ANKRD12: variants seen among roughly 807,000 people sequenced by gnomAD.
ANKRD12 encodes ankyrin repeat domain 12, also known as ankyrin repeat domain-containing protein 12.
Under a neutral mutation model 183.4 loss-of-function variants are expected in ANKRD12, and 85 were observed. The ratio of observed to expected loss-of-function variants is 0.46; its 90% CI spans 0.39 to 0.56. ANKRD12 has a LOEUF of 0.56. Ranked by LOEUF, ANKRD12 falls within the 20% of genes least tolerant of loss-of-function variation. The pLI is 0.00. For missense variants in ANKRD12, 2,405 were observed against 2,357.1 expected, an observed-to-expected ratio of 1.02 and a Z score of -0.42; for synonymous variants, 914 against 800.2, an observed-to-expected ratio of 1.14 and a Z score of -2.40.
intron 1 of ANKRD12, among the ~76,000 whole-genome samples, chr18:9,168,432 C>T (rs2032319608): frequency 6.6e-6 from 1 of 152,108 alleles, no homozygotes; most frequent in Non-Finnish European, 1.5e-5. Flanking sequence ...TCAACTTCTT[C>T]CTGATTTAGT....
chr18:9,175,715 A>G (rs2033210119), intron 1 of ANKRD12, among the ~76,000 whole-genome samples: 1 of 151,388 alleles, frequency 6.6e-6, no homozygotes, highest in Non-Finnish European at 1.5e-5. Flanking sequence ...TTTAGTAGAG[A>G]TGGGGTTTCA....
At position 9,258,055 on chromosome 18, in the gene ANKRD12, C is replaced by T. The variant is rs143265899; in HGVS notation, c.4788C>T (p.Ala1596=). 8.9e-3 allele frequency: 14,350 copies of T among 1,613,366 alleles called. 93 individuals carry two copies. Among genetic ancestry groups the T allele is most frequent in the Middle Eastern group, 0.025 (154 of 6,062 alleles). The change falls in exon 9 of 13, where the codon GCC becomes GCT. Residue 1596 remains alanine, a synonymous_variant. Coordinates refer to ENST00000262126, the MANE Select transcript of ANKRD12 (RefSeq NM_015208.5). ...PSEKDFNGSD[A]STQLNTHYAF... is the part of the protein sequence containing the mutation. ...AAAAGGACTTTAATGGAAGTGATGC[C>T]TCTACCCAGCTAAATACACATTATG...
chr18:9,268,835 CCT>C, intron 10 of ANKRD12, among the ~76,000 whole-genome samples: 1 of 152,224 alleles, frequency 6.6e-6, no homozygotes, highest in South Asian at 2.1e-4. Context: ...TCAAATTGTC[CCT>C]GTTTGCAGAT....
chr18:9,247,372 G>A (rs558300888), intron 8 of ANKRD12, among the ~76,000 whole-genome samples: 2 of 151,502 alleles, frequency 1.3e-5, no homozygotes, highest in Non-Finnish European at 2.9e-5. Flanking sequence ...CTAGCTACTT[G>A]AGAGGCTGAG....
chr18:9,244,105 A>G (rs1054192794), intron 8 of ANKRD12, among the ~76,000 whole-genome samples: 4 of 152,176 alleles, frequency 2.6e-5, no homozygotes, highest in East Asian at 1.9e-4. Context: ...CTGCGCTCCA[A>G]CCTGGACAAC....
chr18:9,255,910 C>A lies in ANKRD12; in HGVS notation c.2643C>A (p.Cys881Ter). The change falls in exon 9 of 13, where the codon TGC becomes TGA. Residue 881 changes from cysteine to a stop codon, truncating the protein, a stop_gained. Coordinates refer to ENST00000262126, the MANE Select transcript of ANKRD12 (RefSeq NM_015208.5). LOFTEE classifies it high-confidence loss of function. ...DKLYSHHTEKCHKEGEKSKNT... is the reference protein window; with the variant it reads ...DKLYSHHTEK ...TATATTCGCATCACACAGAAAAATG[C>A]CATAAAGAAGGTGAGAAGAGCAAAA... The A allele has an allele frequency of 6.3e-7, 1 of 1,588,072 alleles. No individual in the cohort carries two copies. Among genetic ancestry groups the A allele is most frequent in the South Asian group, 1.2e-5 (1 of 84,662 alleles).
chr18:9,261,263 T>C (rs2038949246), intron 9 of ANKRD12, among the ~76,000 whole-genome samples: 1 of 152,218 alleles, frequency 6.6e-6, no homozygotes, highest in South Asian at 2.1e-4. Context: ...CAGCATGTTA[T>C]TTAAATGCCT....
rs192499171 is a variant in ANKRD12, at chr18:9,161,358, T to G, written c.-51-21024T>G. Reference sequence around the variant, plus strand: ...CCTTTTTTTTCTCTATTTCTGTTTTTATTTTATTTTATTTATTTATTTTTA... The same window carrying G: ...CCTTTTTTTTCTCTATTTCTGTTTTGATTTTATTTTATTTATTTATTTTTA... On this transcript the variant is annotated intron_variant, in intron 1 of 12. Coordinates refer to ENST00000262126, the MANE Select transcript of ANKRD12 (RefSeq NM_015208.5). Among the ~76,000 whole-genome samples the G allele has an allele frequency of 2.9e-3, 432 of 150,204 alleles. 2 individuals are homozygous for G. The highest frequency in any genetic ancestry group is 0.017 in the Middle Eastern group (5 of 294).
intron 8 of ANKRD12, among the ~76,000 whole-genome samples, chr18:9,251,369 A>G (rs2145131393): frequency 6.6e-6 from 1 of 152,166 alleles, no homozygotes; most frequent in East Asian, 1.9e-4. Flanking sequence ...ATTCAAATAC[A>G]TTTTCACCAT....
rs777458608 is a variant in ANKRD12, at chr18:9,217,814, ATGT to A, written c.795+919_795+921del. 1.2e-3 allele frequency among the ~76,000 whole-genome samples: 189 copies of A among 152,136 alleles called. 1 individual carries two copies. The highest frequency in any genetic ancestry group is 2.0e-3 in the Non-Finnish European group (134 of 67,980). On this transcript the variant is annotated intron_variant, in intron 7 of 12. Transcript: ENST00000262126. ...GTACTACCATGCATACTGGCATTTT[ATGT>A]TGTTTTCTGTTATTTACTCTGGAAC...
intron 9 of ANKRD12, chr18:9,260,350 A>T (rs530984951): frequency 6.6e-6 from 1 of 152,316 alleles, no homozygotes; most frequent in East Asian, 1.9e-4. Flanking sequence ...TTCAAGACCA[A>T]CAGGATGTCT....
chr18:9,258,129 A>G lies in ANKRD12; in HGVS notation c.4862A>G (p.Asn1621Ser), dbSNP rs368453447. ...YKSSSGHEVE[N>S]STTDTQVISH... ...TCTTCCAGTGGCCATGAAGTTGAGA[A>G]TAGCACAACTGATACTCAGGTCATT... The change falls in exon 9 of 13, where the codon AAT becomes AGT. Residue 1621 changes from asparagine to serine, a missense_variant. Around this residue, in one of 7 missense-constraint regions of ANKRD12, gnomAD observed 1,983 missense variants for 1,725.9 expected, o/e 1.15. Coordinates refer to ENST00000262126, the MANE Select transcript of ANKRD12 (RefSeq NM_015208.5). 2 of 1,613,682 alleles carry G rather than the reference A, an allele frequency of 1.2e-6. No homozygotes were observed. Among genetic ancestry groups the G allele is most frequent in the East Asian group, 2.2e-5 (1 of 44,868 alleles).
chr18:9,182,511 G>T lies in ANKRD12; in HGVS notation c.79G>T (p.Gly27Ter). Residue 27 changes from glycine to a stop codon, truncating the protein, a stop_gained, in exon 2 of 13, where the codon GGA (glycine) becomes TGA (stop). Transcript: ENST00000262126. LOFTEE classifies it high-confidence loss of function. ...CAGCAATATGGTAGAGAAACCATATGGAAGAAAGGTATATGATTATACTAA... is the reference window on the plus strand; with the variant it reads ...CAGCAATATGGTAGAGAAACCATATTGAAGAAAGGTATATGATTATACTAA... ...SDSNMVEKPY[G>*]RKSKDKIASY... is the part of the protein sequence containing the mutation. 6.3e-7 allele frequency: 1 copy of T among 1,599,378 alleles called. No individual in the cohort carries two copies. Among genetic ancestry groups the T allele is most frequent in the Non-Finnish European group, 8.5e-7 (1 of 1,171,564 alleles).
chr18:9,222,276 C>G (rs1216946430), intron 8 of ANKRD12, among the ~76,000 whole-genome samples: 1 of 152,112 alleles, frequency 6.6e-6, no homozygotes, highest in Non-Finnish European at 1.5e-5. Flanking sequence ...GCTGCAGAAC[C>G]TCTCCCCATG....
intron 4 of ANKRD12, among the ~76,000 whole-genome samples, chr18:9,206,233 T>A (rs541071720): frequency 6.6e-6 from 1 of 152,100 alleles, no homozygotes; most frequent in African/African-American, 2.4e-5. Context: ...CATTTGTCAG[T>A]ATACTTACAT....
At chr18:9,246,699 AAAGTATGTTATTTAT>A (rs1164780150) in intron 8 of ANKRD12, among the ~76,000 whole-genome samples, 3 of 152,220 alleles carry the variant, frequency 2.0e-5, no homozygotes, top group Non-Finnish European at 4.4e-5. Flanking sequence ...TTTGATGTCA[AAAGTATGTTATTTAT>A]AAGTTTTTAA....
intron 8 of ANKRD12, 84 bp downstream of exon 8, chr18:9,222,083 ATGTT>A: frequency 6.7e-7 from 1 of 1,481,672 alleles, no homozygotes; most frequent in South Asian, 1.2e-5. Context: ...AATATACAAA[ATGTT>A]TGAATACTTT....
chr18:9,149,792 A>ATTTTTTTTTTTT (rs75749856), intron 1 of ANKRD12, among the ~76,000 whole-genome samples: 12 of 28,198 alleles, frequency 4.3e-4, no homozygotes, highest in Non-Finnish European at 6.9e-4. Context: ...TTATTTATTA[A>ATTTTTTTTTTTT]ATTTTATTTT....
chr18:9,211,406 A>AG lies in ANKRD12; in HGVS notation c.452-175dup, dbSNP rs146028316. ...GGCTAATGATATTTGATAACCCTGA[A>AG]GGGAAGATCTCTGTGTATTTGGGTC... On this transcript the variant is annotated intron_variant, in intron 5 of 12. Coordinates refer to ENST00000262126, the MANE Select transcript of ANKRD12 (RefSeq NM_015208.5). Among the ~76,000 whole-genome samples, 847 of 152,320 alleles carry AG rather than the reference A, an allele frequency of 5.6e-3. 18 individuals are homozygous for AG. The East Asian group carries it at 0.1, about 18-fold the overall frequency.
Sources: allele counts gnomAD v4.1 joint callset (sites outside exome capture counted in the v4.1 genomes callset), GRCh38; gene constraint gnomAD v4.1.1; regional missense constraint gnomAD v4.1.1; transcripts MANE v1.5; gene names NCBI Gene and HGNC (gene_info 2026-07-23, HGNC 2026-07-21).